KY: variants seen among roughly 807,000 people sequenced by gnomAD.
The protein encoded by KY is kyphoscoliosis peptidase.
KY carries 43 observed loss-of-function variants against 76.1 expected under a neutral mutation model. That is an observed-to-expected ratio of 0.57 (90% CI 0.44 to 0.73). The LOEUF is 0.73. Ranked by LOEUF, KY falls within the 30% of genes least tolerant of loss-of-function variation. The probability of loss-of-function intolerance (pLI) is 0.00; values close to 1 mark genes in which losing one functional copy is unlikely to be tolerated. For missense variants in KY, 722 were observed against 828.9 expected (o/e 0.87, Z 1.58); for synonymous variants, 277 against 326.2 (o/e 0.85, Z 1.63).
intron 8 of KY, among the ~76,000 whole-genome samples, chr3:134,611,209 C>T (rs1960381051): frequency 1.3e-5 from 2 of 152,220 alleles, no homozygotes; most frequent in African/African-American, 4.8e-5. Context: ...TGACATTGTG[C>T]TCCTTCACTG....
At chr3:134,608,298 C>T (rs556262615) in intron 10 of KY, 361 of 1,224,656 alleles carry the variant, frequency 2.9e-4, no homozygotes, top group Admixed American at 7.6e-4. Flanking sequence ...GAGAGACTCA[C>T]CCAGCTAGGA....
At chr3:134,650,393 A>C (rs1966852796) in intron 1 of KY, among the ~76,000 whole-genome samples, 1 of 152,164 alleles carries the variant, frequency 6.6e-6, no homozygotes, top group African/African-American at 2.4e-5. Context: ...CCCATCTAAA[A>C]GTCTGACTCA....
intron 5 of KY, among the ~76,000 whole-genome samples, chr3:134,626,767 G>A (rs1167868629): frequency 1.3e-5 from 2 of 152,178 alleles, no homozygotes; most frequent in African/African-American, 4.8e-5. Flanking sequence ...TTGGGCCCAG[G>A]GGTTTCTTGC....
At position 134,602,290 on chromosome 3, in the gene KY, T is replaced by C. The variant is rs1446558969; in HGVS notation, c.*1289A>G. On this transcript the variant is annotated 3_prime_UTR_variant, in exon 11 of 11. Coordinates refer to ENST00000423778, the MANE Select transcript of KY (RefSeq NM_178554.6). ...TCGCTGAAGTCAGCCTTTCCTCCGTTGCCATGGCAACGGCAGCCTGAGGCG... is the reference window on the plus strand; with the variant it reads ...TCGCTGAAGTCAGCCTTTCCTCCGTCGCCATGGCAACGGCAGCCTGAGGCG... Among the ~76,000 whole-genome samples the C allele has an allele frequency of 6.6e-6, 1 of 152,014 alleles. No homozygotes were observed. The highest frequency in any genetic ancestry group is 2.4e-5 in the African/African-American group (1 of 41,396).
intron 10 of KY, among the ~76,000 whole-genome samples, chr3:134,606,543 C>T (rs961800289): frequency 6.6e-6 from 1 of 152,170 alleles, no homozygotes; most frequent in Non-Finnish European, 1.5e-5. Context: ...CAGCTTCTCT[C>T]CTAGCCCTGG....
intron 3 of KY, among the ~76,000 whole-genome samples, chr3:134,630,941 A>G (rs145975994): frequency 1.3e-5 from 2 of 152,384 alleles, no homozygotes; most frequent in African/African-American, 4.8e-5. Context: ...AAGATTTTAG[A>G]CTGAAAAATA....
At chr3:134,640,634 G>T (rs557402067) in intron 3 of KY, among the ~76,000 whole-genome samples, 93 of 152,340 alleles carry the variant, frequency 6.1e-4, no homozygotes, top group Admixed American at 2.5e-3. Flanking sequence ...GGCACATGGA[G>T]TAACGATTCC....
chr3:134,602,130 G>A lies in KY; in HGVS notation c.*1449C>T, dbSNP rs527964624. On this transcript the variant is annotated 3_prime_UTR_variant, in exon 11 of 11. Coordinates refer to ENST00000423778, the MANE Select transcript of KY (RefSeq NM_178554.6). The stretch of plus-strand genomic sequence containing the variant: ...GTGCCAGGCAGTGCTGGCTCTCAGG[G>A]GTTGGGGGGCACTGAGACAGCCAGG... Among the ~76,000 whole-genome samples the A allele has an allele frequency of 2.6e-5, 4 of 152,296 alleles. No homozygotes were observed. Among genetic ancestry groups the A allele is most frequent in the Admixed American group, 2.0e-4 (3 of 15,312 alleles).
intron 3 of KY, among the ~76,000 whole-genome samples, chr3:134,642,110 G>C (rs746454106): frequency 5.9e-5 from 9 of 152,172 alleles, no homozygotes; most frequent in Non-Finnish European, 1.2e-4. Context: ...AAGGGACACT[G>C]GCCTGTACTG....
chr3:134,632,810 G>C (rs1409268853), intron 3 of KY, among the ~76,000 whole-genome samples: 1 of 151,902 alleles, frequency 6.6e-6, no homozygotes, highest in Non-Finnish European at 1.5e-5. Context: ...GAAACTAAAT[G>C]CTGGTTCTTT....
chr3:134,650,926 A>G lies in KY; in HGVS notation c.35T>C (p.Ile12Thr). The change falls in exon 1 of 11, where the codon ATC becomes ACC. Residue 12 changes from isoleucine (I) to threonine (T), a missense_variant. Around this residue, in one of 2 missense-constraint regions of KY, gnomAD observed 170 missense variants for 148.1 expected, o/e 1.15. Transcript: ENST00000423778. ...CGAGTGCACGATCAGCAGCATGTCG[A>G]TAGATACAGCGTTGATGTCCTTCTT... Reference protein sequence around the residue: ...ELKKDINAVSIDMLLIVHSEK... With the variant: ...ELKKDINAVSTDMLLIVHSEK... The G allele has an allele frequency of 6.2e-7, 1 of 1,613,314 alleles. No homozygotes were observed. The highest frequency in any genetic ancestry group is 8.5e-7 in the Non-Finnish European group (1 of 1,179,510).
At chr3:134,626,862 C>T (rs775423975) in intron 5 of KY, among the ~76,000 whole-genome samples, 1 of 152,196 alleles carries the variant, frequency 6.6e-6, no homozygotes, top group Non-Finnish European at 1.5e-5. Context: ...CAGGCAGGCC[C>T]CTGCTGAGCC....
rs372201293 is a variant in KY, at chr3:134,610,335, G to A, written c.759C>T (p.Phe253=). ...AGAAGCTCTGCCCTGTCTGGTAGCC[G>A]AAACCCTTGGAGTAGCCAGGCACGG... ...CMTVPGYSKG[F]GYQTGQSFSG... Residue 253 remains phenylalanine, a synonymous_variant, in exon 9 of 11, where the codon TTC becomes TTT. Coordinates refer to ENST00000423778, the MANE Select transcript of KY (RefSeq NM_178554.6). 5.6e-6 allele frequency: 9 copies of A among 1,613,488 alleles called. No individual in the cohort carries two copies. The highest frequency in any genetic ancestry group is 5.3e-5 in the African/African-American group (4 of 74,828).
At chr3:134,636,639 G>T (rs1368981505) in intron 3 of KY, among the ~76,000 whole-genome samples, 1 of 152,206 alleles carries the variant, frequency 6.6e-6, no homozygotes, top group Non-Finnish European at 1.5e-5. Flanking sequence ...CCCAAGATCA[G>T]CTGGGTGTGG....
At position 134,604,556 on chromosome 3, in the gene KY, G is replaced by A. The variant is rs553581733; in HGVS notation, c.1091-82C>T. 244 of 1,265,620 alleles carry A rather than the reference G, an allele frequency of 1.9e-4. 2 individuals are homozygous for A. In the South Asian group the frequency reaches 3.3e-3, roughly 17 times the overall value. The allele number at this position is 1,265,620 out of a possible 1,614,324, so 78.4% of individuals were successfully genotyped here. A position where few individuals can be genotyped will look rare whatever the true frequency, so the allele number is the denominator to read the frequency against. ...GTAAATGTTTAACAACTGTCTCCCT[G>A]GGAGAAAAACGTCCTGACTTATAGA... On this transcript the variant is annotated intron_variant, in intron 10 of 10. Transcript: ENST00000423778.
In KY at chr3:134,608,852, C is replaced by T. The variant is rs767971427; in HGVS notation, c.900-13G>A. On this transcript the variant is annotated splice_polypyrimidine_tract_variant and intron_variant, in intron 9 of 10. Coordinates refer to ENST00000423778, the MANE Select transcript of KY (RefSeq NM_178554.6). ...GAACTCATTGTAGCTGGAGCAGAGA[C>T]AAGCTGGTTAGCAGCCAGCTCCATG... The T allele has an allele frequency of 3.8e-6, 6 of 1,599,624 alleles. No individual in the cohort carries two copies. Among genetic ancestry groups the T allele is most frequent in the Non-Finnish European group, 5.1e-6 (6 of 1,170,890 alleles).
At position 134,603,822 on chromosome 3, in the gene KY, C is replaced by T; in HGVS notation, c.1743G>A (p.Leu581=). Reference sequence around the variant, plus strand: ...GAAGCACACCTGACAGAGGTTCCAGCAGCTCATTGTCCTGTCCCCAGTTGC... The same window carrying T: ...GAAGCACACCTGACAGAGGTTCCAGTAGCTCATTGTCCTGTCCCCAGTTGC... ...SFGNWGQDNE[L]LEPLSGVLPA... The change falls in exon 11 of 11, where the codon CTG becomes CTA. Residue 581 remains leucine, a synonymous_variant. Transcript: ENST00000423778. 1 of 1,613,932 alleles carries T rather than the reference C, an allele frequency of 6.2e-7. No individual in the cohort carries two copies.
At chr3:134,637,028 T>C (rs1965073668) in intron 3 of KY, among the ~76,000 whole-genome samples, 1 of 152,242 alleles carries the variant, frequency 6.6e-6, no homozygotes, top group Non-Finnish European at 1.5e-5. Flanking sequence ...GTCTTTTTTG[T>C]GTAGCTCATA....
At position 134,643,353 on chromosome 3, in the gene KY, AG is replaced by A; in HGVS notation, c.224del (p.Pro75LeufsTer17). ...FHENLVEKQH[P>X]QQPQVITSYN... The stretch of plus-strand genomic sequence containing the variant: ...AGGAAGTGATGACCTGGGGCTGCTG[AG>A]GGTGCTGCTTCTCCACCAAGTTTTC... On this transcript the variant is annotated frameshift_variant, in exon 3 of 11. Coordinates refer to ENST00000423778, the MANE Select transcript of KY (RefSeq NM_178554.6). LOFTEE classifies it high-confidence loss of function. The A allele has an allele frequency of 6.2e-7, 1 of 1,613,844 alleles. No individual in the cohort carries two copies. Among genetic ancestry groups the A allele is most frequent in the South Asian group, 1.1e-5 (1 of 91,076 alleles).
Sources: allele counts gnomAD v4.1 joint callset (sites outside exome capture counted in the v4.1 genomes callset), GRCh38; gene constraint gnomAD v4.1.1; regional missense constraint gnomAD v4.1.1; transcripts MANE v1.5; gene names NCBI Gene and HGNC (gene_info 2026-07-23, HGNC 2026-07-21).